Variants in DMXL2 observed in about 807,000 individuals in gnomAD.
DMXL2 encodes Dmx like 2, also known as dmX-like protein 2.
DMXL2 carries 103 observed loss-of-function variants against 331.1 expected under a neutral mutation model. The observed-to-expected ratio is 0.31, with a 90% CI of 0.27 to 0.37. DMXL2 has a LOEUF of 0.37. Among genes scored for constraint, DMXL2 ranks in the 10% least tolerant of loss-of-function variants. The probability of loss-of-function intolerance (pLI) is 1.00; values close to 1 mark genes in which losing one functional copy is unlikely to be tolerated. For missense variants in DMXL2, 3,171 were observed against 3,642.9 expected (o/e 0.87, Z 3.33); for synonymous variants, 1,281 against 1,252.1 (o/e 1.02, Z -0.49).
At chr15:51,618,150 G>A (rs1178348078) in intron 1 of DMXL2, among the ~76,000 whole-genome samples, 1 of 152,002 alleles carries the variant, frequency 6.6e-6, no homozygotes, top group East Asian at 1.9e-4. Context: ...GATTCCCCTG[G>A]CCAAAAGTTC....
At chr15:51,594,852 C>T (rs2052670744) in intron 1 of DMXL2, among the ~76,000 whole-genome samples, 1 of 152,140 alleles carries the variant, frequency 6.6e-6, no homozygotes, top group Admixed American at 6.6e-5. Flanking sequence ...AGGCCTTTGA[C>T]AAAATTCAAC....
intron 5 of DMXL2, 146 bp from the exon 6 acceptor site, chr15:51,563,593 T>C: frequency 3.9e-6 from 2 of 515,042 alleles, no homozygotes; most frequent in Middle Eastern, 6.1e-4. Context: ...AAATAAAATA[T>C]TTCACCTCCA....
At chr15:51,508,879 T>C (rs1322751422) in intron 15 of DMXL2, among the ~76,000 whole-genome samples, 1 of 152,274 alleles carries the variant, frequency 6.6e-6, no homozygotes, top group East Asian at 1.9e-4. Flanking sequence ...AATTGGAAAA[T>C]CATAATTTTT....
intron 28 of DMXL2, among the ~76,000 whole-genome samples, chr15:51,471,810 A>G (rs1486176639): frequency 1.3e-5 from 2 of 152,212 alleles, no homozygotes; most frequent in Admixed American, 6.5e-5. Context: ...ATGGAAAAGG[A>G]CAATATAAAC....
intron 1 of DMXL2, among the ~76,000 whole-genome samples, chr15:51,609,541 G>C (rs1439427660): frequency 6.6e-6 from 1 of 152,096 alleles, no homozygotes. Context: ...AGTACAACTG[G>C]GTACATTATT....
In DMXL2 at chr15:51,494,147, T is replaced by C. The variant is rs542356897; in HGVS notation, c.4783+877A>G. Among the ~76,000 whole-genome samples the C allele has an allele frequency of 1.5e-4, 23 of 152,258 alleles. No homozygotes were observed. The East Asian group carries it at 4.4e-3, about 29-fold the overall frequency. The stretch of plus-strand genomic sequence containing the variant: ...ACAAGGTTATTCATTAGAGTGATAA[T>C]TCAAATAGAAAAAATACCTCAGCAA... On this transcript the variant is annotated intron_variant, in intron 19 of 43. Coordinates refer to ENST00000560891, the MANE Select transcript of DMXL2 (RefSeq NM_001378457.1).
chr15:51,563,036 T>C (rs1289614539), intron 6 of DMXL2, among the ~76,000 whole-genome samples: 3 of 152,210 alleles, frequency 2.0e-5, no homozygotes, highest in African/African-American at 7.2e-5. Flanking sequence ...GAATTAGCGT[T>C]GGAATAATGA....
intron 9 of DMXL2, among the ~76,000 whole-genome samples, chr15:51,539,600 G>A (rs951727266): frequency 9.2e-5 from 14 of 152,044 alleles, no homozygotes; most frequent in African/African-American, 3.1e-4. Flanking sequence ...CTTGAACTTA[G>A]GAGTTTGGGA....
chr15:51,593,687 G>T lies in DMXL2; in HGVS notation c.88-17506C>A, dbSNP rs931537249. ...GAAGTAAAGCACTCCTCAGCAAATG[G>T]AAAAGAACAGAAATTATAACAAACT... On this transcript the variant is annotated intron_variant, in intron 1 of 43. Coordinates refer to ENST00000560891, the MANE Select transcript of DMXL2 (RefSeq NM_001378457.1). 5.9e-5 allele frequency among the ~76,000 whole-genome samples: 9 copies of T among 152,084 alleles called. No individual in the cohort carries two copies. In the East Asian group the frequency reaches 7.7e-4, roughly 13 times the overall value.
intron 33 of DMXL2, chr15:51,460,660 A>C (rs2040030484): frequency 6.6e-6 from 1 of 152,278 alleles, no homozygotes; most frequent in South Asian, 2.1e-4. Context: ...CAATTTTCTG[A>C]ATTTGCCAAA....
intron 33 of DMXL2, chr15:51,463,033 ATATTTT>A (rs1566984017): frequency 6.3e-6 from 1 of 157,850 alleles, no homozygotes; most frequent in Non-Finnish European, 1.4e-5. Flanking sequence ...GGGCTATTTT[ATATTTT>A]AAGTACATAT....
chr15:51,607,388 A>T lies in DMXL2; in HGVS notation c.87+15071T>A, dbSNP rs568365926. 3.7e-3 allele frequency among the ~76,000 whole-genome samples: 561 copies of T among 152,270 alleles called. 6 individuals carry two copies. Among genetic ancestry groups the T allele is most frequent in the African/African-American group, 0.013 (537 of 41,544 alleles). ...GAAGAATGGCTCGAACCCGGGAGGC[A>T]GAGCTTGCAGTGAGCCGAGACCGCA... On this transcript the variant is annotated intron_variant, in intron 1 of 43. Transcript: ENST00000560891.
At chr15:51,561,394 T>C (rs2049961759) in intron 6 of DMXL2, among the ~76,000 whole-genome samples, 1 of 152,162 alleles carries the variant, frequency 6.6e-6, no homozygotes, top group Admixed American at 6.5e-5. Context: ...AGTTACTCAT[T>C]GGCTTAGGCT....
In DMXL2 at chr15:51,480,019, G is replaced by T; in HGVS notation, c.6685C>A (p.His2229Asn). The change falls in exon 25 of 44, where the codon CAC becomes AAC. Residue 2229 changes from histidine (H) to asparagine (N), a missense_variant. This residue lies in a region of DMXL2 where 197 missense variants were observed against 196.2 expected (regional missense o/e 1.00). Coordinates refer to ENST00000560891, the MANE Select transcript of DMXL2 (RefSeq NM_001378457.1). The part of the protein sequence containing the change: ...IANPVLYLNN[H>N]IHDILYTIVQ... ...ATAGTATAAAGTATATCATGGATGT[G>T]ATTATTTAAGTACAATACAGGATTA... The T allele has an allele frequency of 3.1e-6, 5 of 1,593,644 alleles. No homozygotes were observed. The highest frequency in any genetic ancestry group is 4.3e-6 in the Non-Finnish European group (5 of 1,163,944).
chr15:51,490,270 C>T (rs1426416950), intron 20 of DMXL2, among the ~76,000 whole-genome samples: 1 of 152,126 alleles, frequency 6.6e-6, no homozygotes, highest in Non-Finnish European at 1.5e-5. Flanking sequence ...TCATGGGATG[C>T]TGATTAAGAT....
At chr15:51,531,135 T>C (rs2047979568) in intron 13 of DMXL2, among the ~76,000 whole-genome samples, 1 of 152,152 alleles carries the variant, frequency 6.6e-6, no homozygotes, top group African/African-American at 2.4e-5. Context: ...CAAATAATAC[T>C]GCAGAGTTAC....
intron 23 of DMXL2, among the ~76,000 whole-genome samples, chr15:51,482,770 T>G (rs2042106671): frequency 6.6e-6 from 1 of 152,184 alleles, no homozygotes; most frequent in Non-Finnish European, 1.5e-5. Context: ...AAGAACAATC[T>G]GAGCATCCAT....
chr15:51,590,838 T>C (rs1454519171), intron 1 of DMXL2, among the ~76,000 whole-genome samples: 1 of 152,138 alleles, frequency 6.6e-6, no homozygotes, highest in Non-Finnish European at 1.5e-5. Flanking sequence ...CCACATGTGC[T>C]TATATTTTGC....
chr15:51,459,616 T>A lies in DMXL2; in HGVS notation c.7971A>T (p.Ala2657=). The A allele has an allele frequency of 7.8e-7, 1 of 1,289,860 alleles. No individual in the cohort carries two copies. Among genetic ancestry groups the A allele is most frequent in the Non-Finnish European group, 1.0e-6 (1 of 988,872 alleles). The allele number at this position is 1,289,860 out of a possible 1,614,324, so 79.9% of individuals were successfully genotyped here. A position where few individuals can be genotyped will look rare whatever the true frequency, so the allele number is the denominator to read the frequency against. ...HVEQVNQNCI[A]EDCHIKVEAD... ...ATACTACCTTGATGTGGCAATCTTC[T>A]GCTATGCAGTTTTGGTTGACCTGCT... Residue 2657 remains alanine (A), a synonymous_variant, in exon 34 of 44, where the codon GCA becomes GCT. Transcript: ENST00000560891.
Sources: allele counts gnomAD v4.1 joint callset (sites outside exome capture counted in the v4.1 genomes callset), GRCh38; gene constraint gnomAD v4.1.1; regional missense constraint gnomAD v4.1.1; transcripts MANE v1.5; gene names NCBI Gene and HGNC (gene_info 2026-07-23, HGNC 2026-07-21).